The following EPM2A variants were observed in gnomAD, a reference collection of about 807,000 sequenced individuals.
EPM2A encodes EPM2A glucan phosphatase, laforin, also known as laforin.
Under a neutral mutation model 26.5 loss-of-function variants are expected in EPM2A, and 21 were observed. The observed-to-expected ratio is 0.79, with a 90% CI of 0.56 to 1.14. EPM2A has a LOEUF of 1.14. Ranked by LOEUF, EPM2A falls within the 50% of genes most tolerant of loss-of-function variation. The pLI is 0.00. For synonymous variants in EPM2A, 217 were observed against 177.6 expected, an observed-to-expected ratio of 1.22 and a Z score of -1.76; for missense variants, 458 against 440.8, an observed-to-expected ratio of 1.04 and a Z score of -0.35.
chr6:145,428,170 GGACAGCCCTCAAAATCATAA>G (rs563862361), intron 4 of EPM2A, among the ~76,000 whole-genome samples: 152 of 146,422 alleles, frequency 1.0e-3, no homozygotes, highest in South Asian at 4.6e-3. Flanking sequence ...TTATTTGAGT[GGACAGCCCTCAAAATCATAA>G]GACACATAAT....
chr6:145,731,321 C>T (rs1184907178), intron 1 of EPM2A, among the ~76,000 whole-genome samples: 3 of 152,086 alleles, frequency 2.0e-5, no homozygotes, highest in East Asian at 1.9e-4. Context: ...CCACAGCTAC[C>T]CCTACTGATC....
At chr6:145,668,258 C>G (rs1211048157) in intron 2 of EPM2A, among the ~76,000 whole-genome samples, 2 of 151,692 alleles carry the variant, frequency 1.3e-5, no homozygotes, top group Non-Finnish European at 2.9e-5. Flanking sequence ...GATCTGCAAT[C>G]TAAGAAAAAA....
intron 1 of EPM2A, among the ~76,000 whole-genome samples, chr6:145,714,650 T>C (rs6570710): frequency 0.067 from 10,182 of 152,220 alleles, 1,145 homozygotes; most frequent in African/African-American, 0.23. Flanking sequence ...TTCCATGTGG[T>C]TGGGGAAGCC....
intron 4 of EPM2A, among the ~76,000 whole-genome samples, chr6:145,445,699 G>A (rs1271030875): frequency 1.3e-5 from 2 of 152,156 alleles, no homozygotes; most frequent in Admixed American, 1.3e-4. Flanking sequence ...GGAGAAGTGA[G>A]CTTTCAAAAT....
At chr6:145,671,756 A>G in intron 2 of EPM2A, among the ~76,000 whole-genome samples, 1 of 152,328 alleles carries the variant, frequency 6.6e-6, no homozygotes, top group Middle Eastern at 3.4e-3. Context: ...TTATTGTTCT[A>G]TAGTGTGTAA....
chr6:145,452,489 C>CAAAAAAAAAAAA (rs563777945), intron 4 of EPM2A, among the ~76,000 whole-genome samples: 23 of 75,858 alleles, frequency 3.0e-4, no homozygotes, highest in African/African-American at 7.3e-4. Flanking sequence ...ACTAAAAATA[C>CAAAAAAAAAAAA]AAAAAAAAAA....
intron 4 of EPM2A, among the ~76,000 whole-genome samples, chr6:145,405,015 G>C (rs1313779673): frequency 1.3e-5 from 2 of 152,090 alleles, no homozygotes; most frequent in African/African-American, 4.8e-5. Context: ...TGAACATCTT[G>C]AACACTGTAC....
intron 1 of EPM2A, among the ~76,000 whole-genome samples, chr6:145,704,678 T>C (rs907272889): frequency 6.6e-6 from 1 of 152,150 alleles, no homozygotes; most frequent in African/African-American, 2.4e-5. Flanking sequence ...CTAAAAAGCC[T>C]TTGACACCTC....
intron 4 of EPM2A, among the ~76,000 whole-genome samples, chr6:145,422,057 G>GTATATATA (rs67264730): frequency 1.5e-4 from 20 of 131,764 alleles, no homozygotes; most frequent in African/African-American, 4.9e-4. Context: ...ATATATGAGT[G>GTATATATA]TATATATATA....
intron 2 of EPM2A, among the ~76,000 whole-genome samples, chr6:145,514,537 T>C (rs1046946856): frequency 3.9e-5 from 6 of 152,200 alleles, no homozygotes; most frequent in African/African-American, 1.4e-4. Flanking sequence ...AGCAGATAGA[T>C]GTGTTTTTAG....
At chr6:145,580,050 T>G (rs1781091578) in intron 2 of EPM2A, among the ~76,000 whole-genome samples, 1 of 152,176 alleles carries the variant, frequency 6.6e-6, no homozygotes, top group Non-Finnish European at 1.5e-5. Flanking sequence ...TAAAATTTTT[T>G]TAAAGATTCA....
chr6:145,436,401 T>G (rs1185698882), intron 4 of EPM2A, among the ~76,000 whole-genome samples: 2 of 152,150 alleles, frequency 1.3e-5, no homozygotes, highest in Non-Finnish European at 2.9e-5. Flanking sequence ...TATGCTAAAC[T>G]TTTTGAGGAA....
At chr6:145,545,788 A>G (rs1009228671) in intron 2 of EPM2A, among the ~76,000 whole-genome samples, 3 of 151,862 alleles carry the variant, frequency 2.0e-5, no homozygotes, top group African/African-American at 7.3e-5. Flanking sequence ...AGCCATACTA[A>G]CTTCAGTTAT....
chr6:145,718,317 T>C (rs1189209611), intron 1 of EPM2A, among the ~76,000 whole-genome samples: 1 of 145,480 alleles, frequency 6.9e-6, no homozygotes. Context: ...TAACGCCACA[T>C]ATCTACAACT....
chr6:145,646,763 C>T (rs971675241), intron 2 of EPM2A, among the ~76,000 whole-genome samples: 1 of 152,164 alleles, frequency 6.6e-6, no homozygotes, highest in African/African-American at 2.4e-5. Flanking sequence ...GACTTCAACC[C>T]TCTATTGGAA....
At chr6:145,436,717 T>C (rs1024019625) in intron 4 of EPM2A, among the ~76,000 whole-genome samples, 1 of 152,188 alleles carries the variant, frequency 6.6e-6, no homozygotes, top group African/African-American at 2.4e-5. Context: ...TATTTCTTTT[T>C]TTCTATTCCT....
chr6:145,628,603 A>C (rs1341172833), intron 3 of EPM2A: 10 of 152,252 alleles, frequency 6.6e-5, no homozygotes. Flanking sequence ...AGGGAAAGGA[A>C]GAGGGAAATG....
At chr6:145,633,213 C>T (rs1776398403) in intron 3 of EPM2A, among the ~76,000 whole-genome samples, 1 of 152,130 alleles carries the variant, frequency 6.6e-6, no homozygotes, top group Admixed American at 6.5e-5. Flanking sequence ...CTAACTTCTC[C>T]CAGCCTCGTC....
chr6:145,735,636 C>T (rs576293281), upstream of EPM2A: 64 of 1,083,678 alleles, frequency 5.9e-5, no homozygotes, highest in Non-Finnish European at 6.9e-5. Context: ...CTGTTCTGCG[C>T]CTTCTTTGGG....
Sources: allele counts gnomAD v4.1 joint callset (sites outside exome capture counted in the v4.1 genomes callset), GRCh38; gene constraint gnomAD v4.1.1; transcripts MANE v1.5; gene names NCBI Gene and HGNC (gene_info 2026-07-23, HGNC 2026-07-21).